RNLS: variants seen among roughly 807,000 people sequenced by gnomAD.
The protein encoded by RNLS is renalase, FAD dependent amine oxidase.
RNLS carries 39 observed loss-of-function variants against 39.8 expected under a neutral mutation model. That is an observed-to-expected ratio of 0.98 (90% CI 0.76 to 1.28). The LOEUF is 1.28. RNLS is among the 50% of genes most tolerant of loss of function. The pLI, the probability that RNLS is intolerant of heterozygous loss-of-function variation, is 0.00. For synonymous variants in RNLS, 147 were observed against 150.7 expected (o/e 0.98, Z 0.18); for missense variants, 410 against 413.3 (o/e 0.99, Z 0.07).
At chr10:88,561,548 A>G (rs1287459431) in intron 4 of RNLS, among the ~76,000 whole-genome samples, 2 of 152,168 alleles carry the variant, frequency 1.3e-5, no homozygotes, top group Non-Finnish European at 2.9e-5. Flanking sequence ...TTTTATATAA[A>G]CATATATTCC....
rs764095047 is a variant in RNLS at position 88,425,106 on chromosome 10, C to A, written c.527-62381G>T. 1.3e-4 allele frequency among the ~76,000 whole-genome samples: 20 copies of A among 152,184 alleles called. No individual in the cohort carries two copies. In the Middle Eastern group the frequency reaches 0.01, roughly 78 times the overall value. On this transcript the variant is annotated intron_variant, in intron 4 of 6. Coordinates refer to ENST00000331772, the MANE Select transcript of RNLS (RefSeq NM_001031709.3). ...ATATCCATGCCACAGCCATTGGCAG[C>A]ATGTTACTGAAAGTTTTGAAGGGGA...
Position 88,284,624 on chromosome 10 carries a change from A to T in RNLS, c.*730T>A. The stretch of plus-strand genomic sequence containing the variant: ...AACAGCAACAGCTATAAAATATAGC[A>T]AAAGGTAAGGATCGATATACTTTCT... On this transcript the variant is annotated 3_prime_UTR_variant, in exon 7 of 7. Coordinates refer to ENST00000331772, the MANE Select transcript of RNLS (RefSeq NM_001031709.3). 4 of 985,174 alleles carry T rather than the reference A, an allele frequency of 4.1e-6. No homozygotes were observed. Among genetic ancestry groups the T allele is most frequent in the Non-Finnish European group, 4.8e-6 (4 of 829,688 alleles). The allele number at this position is 985,174 out of a possible 1,614,324, so 61.0% of individuals were successfully genotyped here.
At chr10:88,420,058 ATG>A (rs1854310022) in intron 4 of RNLS, among the ~76,000 whole-genome samples, 2 of 40,658 alleles carry the variant, frequency 4.9e-5, no homozygotes, top group South Asian at 1.0e-3. Flanking sequence ...AAATAAATAA[ATG>A]AATGAATAAA....
intron 4 of RNLS, among the ~76,000 whole-genome samples, chr10:88,447,222 T>C (rs1454084088): frequency 1.3e-5 from 2 of 152,198 alleles, no homozygotes; most frequent in Non-Finnish European, 2.9e-5. Context: ...GAAGTCAAAT[T>C]GTCCCTGTTT....
rs190213225 is a variant in RNLS at position 88,401,674 on chromosome 10, T to C, written c.527-38949A>G. On this transcript the variant is annotated intron_variant, in intron 4 of 6. Transcript: ENST00000331772. ...TGATTTGCTTATTTTTAAAAGATAATGTGGGGCAAAATTCTGGGCAGATAC... is the reference window on the plus strand; with the variant it reads ...TGATTTGCTTATTTTTAAAAGATAACGTGGGGCAAAATTCTGGGCAGATAC... 5.8e-3 allele frequency among the ~76,000 whole-genome samples: 886 copies of C among 152,110 alleles called. 3 individuals are homozygous for C. The highest frequency in any genetic ancestry group is 9.4e-3 in the Non-Finnish European group (637 of 67,958).
chr10:88,329,993 TTGGCTC>T (rs1846971166), intron 5 of RNLS, among the ~76,000 whole-genome samples: 2 of 150,330 alleles, frequency 1.3e-5, no homozygotes, highest in Non-Finnish European at 3.0e-5. Context: ...CTTTATAAGG[TTGGCTC>T]TGGCTTTTTT....
intron 4 of RNLS, among the ~76,000 whole-genome samples, chr10:88,406,693 C>T (rs1351687365): frequency 1.3e-5 from 2 of 152,032 alleles, no homozygotes; most frequent in Non-Finnish European, 2.9e-5. Context: ...ATCCAGCAAT[C>T]CCACTACTGG....
the RNLS span, among the ~76,000 whole-genome samples, chr10:88,228,635 C>G: frequency 6.6e-6 from 1 of 152,220 alleles, no homozygotes; most frequent in Non-Finnish European, 1.5e-5. Flanking sequence ...CACATCTTCT[C>G]AAATCTGGTT....
intron 6 of RNLS, among the ~76,000 whole-genome samples, chr10:88,310,847 A>G (rs967519431): frequency 1.3e-5 from 2 of 150,258 alleles, no homozygotes; most frequent in Non-Finnish European, 1.5e-5. Context: ...GGAAGAGAAA[A>G]GGTACAAGCT....
chr10:88,314,664 A>C, intron 5 of RNLS, 23 bp from the exon 6 acceptor site: 1 of 1,604,140 alleles, frequency 6.2e-7, no homozygotes, highest in East Asian at 2.2e-5. Flanking sequence ...AGGATCATAA[A>C]GATGCATCTT....
In RNLS at chr10:88,534,572, C is replaced by A. The variant is rs186202607; in HGVS notation, c.526+38331G>T. Among the ~76,000 whole-genome samples the A allele has an allele frequency of 4.6e-5, 7 of 152,262 alleles. No homozygotes were observed. The East Asian group carries it at 1.3e-3, about 29-fold the overall frequency. ...AATAGTACTGAAGAAGTGGTTTAAT[C>A]TCTAAACCGTGGATTCCTCTTGTGT... On this transcript the variant is annotated intron_variant, in intron 4 of 6. Coordinates refer to ENST00000331772, the MANE Select transcript of RNLS (RefSeq NM_001031709.3).
At chr10:88,263,517 ACT>A in the RNLS span, among the ~76,000 whole-genome samples, 1 of 151,612 alleles carries the variant, frequency 6.6e-6, no homozygotes, top group African/African-American at 2.4e-5. Flanking sequence ...CCCTTCTAAA[ACT>A]CTGTGTTTGC....
intron 4 of RNLS, among the ~76,000 whole-genome samples, chr10:88,394,654 G>C (rs1174876130): frequency 2.6e-5 from 4 of 151,764 alleles, no homozygotes; most frequent in Non-Finnish European, 4.4e-5. Flanking sequence ...CAGGGATCTA[G>C]AACTAGAAAT....
intron 4 of RNLS, among the ~76,000 whole-genome samples, chr10:88,515,702 A>G (rs1056060986): frequency 2.0e-5 from 3 of 152,094 alleles, no homozygotes; most frequent in Non-Finnish European, 4.4e-5. Flanking sequence ...CCTCTAGCCC[A>G]CTGGCTAGCA....
intron 4 of RNLS, among the ~76,000 whole-genome samples, chr10:88,393,083 T>C (rs1165530731): frequency 1.3e-5 from 2 of 152,150 alleles, no homozygotes; most frequent in Non-Finnish European, 2.9e-5. Flanking sequence ...ACAGCCAATA[T>C]CATACTGAAT....
At chr10:88,382,154 C>T (rs968876956) in intron 4 of RNLS, among the ~76,000 whole-genome samples, 9 of 152,048 alleles carry the variant, frequency 5.9e-5, no homozygotes, top group African/African-American at 1.9e-4. Context: ...TTACATGCCA[C>T]GTTGTACTGT....
chr10:88,321,376 T>C (rs1846170533), intron 5 of RNLS, among the ~76,000 whole-genome samples: 2 of 152,040 alleles, frequency 1.3e-5, no homozygotes, highest in African/African-American at 4.8e-5. Context: ...AACAACCCAA[T>C]GTCACATCTA....
chr10:88,402,194 CACTT>C (rs1251931311), intron 4 of RNLS, among the ~76,000 whole-genome samples: 1 of 151,918 alleles, frequency 6.6e-6, no homozygotes, highest in Non-Finnish European at 1.5e-5. Context: ...AGTACAGAAA[CACTT>C]ACTCACTGAA....
chr10:88,412,171 G>A (rs770059085), intron 4 of RNLS, among the ~76,000 whole-genome samples: 3 of 152,138 alleles, frequency 2.0e-5, no homozygotes, highest in East Asian at 1.9e-4. Context: ...TGAGAAGGCC[G>A]CTGCAATAAT....
Sources: allele counts gnomAD v4.1 joint callset (sites outside exome capture counted in the v4.1 genomes callset), GRCh38; gene constraint gnomAD v4.1.1; transcripts MANE v1.5; gene names NCBI Gene and HGNC (gene_info 2026-07-23, HGNC 2026-07-21).